DHRSX: variants seen among roughly 807,000 people sequenced by gnomAD.
DHRSX encodes the protein dehydrogenase/reductase X-linked, also known as polyprenol dehydrogenase.
Under a neutral mutation model 34.0 loss-of-function variants are expected in DHRSX, and 31 were observed. The ratio of observed to expected loss-of-function variants is 0.91; its 90% CI spans 0.69 to 1.23. The LOEUF is 1.23. Ranked by LOEUF, DHRSX falls within the 50% of genes most tolerant of loss-of-function variation. The pLI is 0.00. For missense variants in DHRSX, 414 were observed against 428.1 expected (o/e 0.97, Z 0.29); for synonymous variants, 201 against 183.8 (o/e 1.09, Z -0.76).
intron 3 of DHRSX, among the ~76,000 whole-genome samples, chrX:2,311,195 TGA>T (rs1040022775): frequency 6.7e-6 from 1 of 148,640 alleles, no homozygotes; most frequent in African/African-American, 2.5e-5. Context: ...AGGAATAGAA[TGA>T]GAGAGACAGA....
chrX:2,488,427 G>T, intron 1 of DHRSX: 2 of 593,288 alleles, frequency 3.4e-6, no homozygotes, highest in South Asian at 2.9e-5. Flanking sequence ...TGCCCACCTC[G>T]GCCTCCCAAA....
chrX:2,482,722 G>A lies in DHRSX; in HGVS notation c.109+18095C>T, dbSNP rs775470945. On this transcript the variant is annotated intron_variant, in intron 1 of 6. Transcript: ENST00000334651. ...AAGCAATTTAAATTCTAGAAATCCT[G>A]CAGTAACTGCCTATTTGATACGTTC... Among the ~76,000 whole-genome samples the A allele has an allele frequency of 2.4e-4, 36 of 152,316 alleles. No individual in the cohort carries two copies. The East Asian group carries it at 6.6e-3, about 28-fold the overall frequency.
At chrX:2,443,220 C>A (rs779367796) in intron 1 of DHRSX, among the ~76,000 whole-genome samples, 1 of 151,644 alleles carries the variant, frequency 6.6e-6, no homozygotes, top group African/African-American at 2.4e-5. Context: ...TTTATATAGA[C>A]GGGGGTCTCA....
At chrX:2,252,858 C>A (rs1469423133) in intron 5 of DHRSX, among the ~76,000 whole-genome samples, 2 of 152,152 alleles carry the variant, frequency 1.3e-5, no homozygotes, top group Non-Finnish European at 2.9e-5. Context: ...CCATTAAGGT[C>A]TGTAAATGAA....
Position 2,374,476 on chromosome X carries a change from C to T in DHRSX, c.286+34269G>A, listed in dbSNP as rs369037874. ...GTGAGCAGCCGGGCACAGTGACTCA[C>T]GCCTGTAATCCCAGCACTTTGGGAG... On this transcript the variant is annotated intron_variant, in intron 3 of 6. Transcript: ENST00000334651. 3.5e-3 allele frequency among the ~76,000 whole-genome samples: 530 copies of T among 150,192 alleles called. 9 individuals carry two copies. Among genetic ancestry groups the T allele is most frequent in the African/African-American group, 0.012 (499 of 41,170 alleles).
chrX:2,467,958 G>C (rs1271163464), intron 1 of DHRSX, among the ~76,000 whole-genome samples: 1 of 126,448 alleles, frequency 7.9e-6, no homozygotes, highest in Non-Finnish European at 1.6e-5. Context: ...GTAAAACTCC[G>C]TCTCAAAAAA....
intron 2 of DHRSX, among the ~76,000 whole-genome samples, chrX:2,419,106 G>A (rs956736183): frequency 6.6e-6 from 1 of 152,166 alleles, no homozygotes; most frequent in African/African-American, 2.4e-5. Context: ...TAAACTGAAT[G>A]TTTGTATCCC....
intron 3 of DHRSX, among the ~76,000 whole-genome samples, chrX:2,328,028 C>T (rs1392219177): frequency 2.7e-5 from 4 of 148,552 alleles, no homozygotes; most frequent in Non-Finnish European, 5.9e-5. Flanking sequence ...TGCAGTGAGC[C>T]GAGATCCCGC....
chrX:2,431,361 C>T (rs1431021745), intron 1 of DHRSX, among the ~76,000 whole-genome samples: 2 of 150,094 alleles, frequency 1.3e-5, no homozygotes, highest in African/African-American at 4.9e-5. Flanking sequence ...AACCCCCAAA[C>T]TTTGTCCAAT....
At chrX:2,230,589 T>C (rs1230935881) in intron 6 of DHRSX, among the ~76,000 whole-genome samples, 6 of 152,196 alleles carry the variant, frequency 3.9e-5, no homozygotes, top group Non-Finnish European at 8.8e-5. Context: ...ATCATTAACA[T>C]TTACAAATCA....
At chrX:2,229,661 A>C (rs1227126234) in intron 6 of DHRSX, among the ~76,000 whole-genome samples, 2 of 141,672 alleles carry the variant, frequency 1.4e-5, no homozygotes, top group Non-Finnish European at 3.0e-5. Context: ...GCATGTCTGT[A>C]TGTATATGTA....
chrX:2,420,634 T>C (rs754137363), intron 2 of DHRSX, among the ~76,000 whole-genome samples: 1 of 150,584 alleles, frequency 6.6e-6, no homozygotes, highest in Admixed American at 6.6e-5. Flanking sequence ...TCCCAGCTAC[T>C]CAGGAGGCTG....
chrX:2,374,359 G>T (rs1023372723), intron 3 of DHRSX, among the ~76,000 whole-genome samples: 25 of 152,132 alleles, frequency 1.6e-4, no homozygotes, highest in Admixed American at 2.0e-4. Flanking sequence ...AGCACTTTGG[G>T]AGGCCGTGGT....
chrX:2,445,616 G>T (rs1292825366), intron 1 of DHRSX, among the ~76,000 whole-genome samples: 5 of 151,634 alleles, frequency 3.3e-5, no homozygotes, highest in Admixed American at 3.3e-4. Flanking sequence ...TGTACACAAG[G>T]AAGAGGTTCC....
At chrX:2,320,998 C>G (rs1458201117) in intron 3 of DHRSX, among the ~76,000 whole-genome samples, 1 of 152,048 alleles carries the variant, frequency 6.6e-6, no homozygotes, top group Non-Finnish European at 1.5e-5. Flanking sequence ...TGTGGCTTGA[C>G]AAGCAGCAGA....
In DHRSX at chrX:2,490,555, G is replaced by A. The variant is rs775462714; in HGVS notation, c.109+10262C>T. ...ACAGGTTGGAGGTGTTTCCGGAGTA[G>A]GCGATCTGGGCCATGCAGATGCGGC... On this transcript the variant is annotated intron_variant, in intron 1 of 6. Coordinates refer to ENST00000334651, the MANE Select transcript of DHRSX (RefSeq NM_145177.3). 8.1e-6 allele frequency: 13 copies of A among 1,613,894 alleles called. No homozygotes were observed. The African/African-American group carries it at 1.7e-4, about 22-fold the overall frequency.
intron 1 of DHRSX, among the ~76,000 whole-genome samples, chrX:2,425,687 G>A (rs150363884): frequency 1.1e-4 from 16 of 152,298 alleles, no homozygotes; most frequent in African/African-American, 2.9e-4. Flanking sequence ...GTTCGTTTGC[G>A]TTGTAAAATG....
intron 3 of DHRSX, among the ~76,000 whole-genome samples, chrX:2,394,755 A>G (rs983778937): frequency 6.6e-6 from 1 of 151,996 alleles, no homozygotes; most frequent in Non-Finnish European, 1.5e-5. Flanking sequence ...AGTCCCAGCT[A>G]CTCAGTAGGC....
chrX:2,459,653 A>T (rs2044375498), intron 1 of DHRSX, among the ~76,000 whole-genome samples: 2 of 151,692 alleles, frequency 1.3e-5, no homozygotes, highest in South Asian at 4.2e-4. Context: ...TTTCTATAAA[A>T]GTGACTCCCA....
Sources: allele counts gnomAD v4.1 joint callset (sites outside exome capture counted in the v4.1 genomes callset), GRCh38; gene constraint gnomAD v4.1.1; transcripts MANE v1.5; gene names NCBI Gene and HGNC (gene_info 2026-07-23, HGNC 2026-07-21).